ZNF285: variants seen among roughly 807,000 people sequenced by gnomAD.
The protein encoded by ZNF285 is zinc finger protein 285A.
ZNF285 carries 4 observed loss-of-function variants against 6.2 expected under a neutral mutation model. The observed-to-expected ratio is 0.65, with a 90% CI of 0.32 to 1.49. ZNF285 has a LOEUF of 1.49. Ranked by LOEUF, ZNF285 falls within the 40% of genes most tolerant of loss-of-function variation. The probability of loss-of-function intolerance (pLI) is 0.07; values close to 1 mark genes in which losing one functional copy is unlikely to be tolerated. For missense variants in ZNF285, 695 were observed against 708.8 expected (o/e 0.98, Z 0.22); for synonymous variants, 240 against 245.8 (o/e 0.98, Z 0.22).
chr19:44,399,931 C>T (rs2571146), intron 1 of ZNF285, among the ~76,000 whole-genome samples: 33,955 of 139,874 alleles, frequency 0.24, 5,568 homozygotes, highest in East Asian at 0.55. Flanking sequence ...CAGGGCCACC[C>T]AAACTATGAC....
chr19:44,395,511 C>G (rs762347320), intron 2 of ZNF285, among the ~76,000 whole-genome samples: 64 of 152,190 alleles, frequency 4.2e-4, no homozygotes, highest in Admixed American at 7.2e-4. Flanking sequence ...TTTGAACAAA[C>G]CAACTGTTAA....
At position 44,386,775 on chromosome 19, in the gene ZNF285, T is replaced by C. The variant is rs1280957199; in HGVS notation, c.1470A>G (p.Gly490=). Residue 490 remains glycine (G), a synonymous_variant, in exon 4 of 4, where the codon GGA becomes GGG. Transcript: ENST00000614994. ...AATATGAACTGTAACTGAAGCACTT[T>C]CCACACACTTCACATTTATATGGTT... ...GEKPYKCEVC[G]KCFSYSSYFH... is the part of the protein sequence containing the mutation. The C allele has an allele frequency of 8.1e-6, 13 of 1,614,102 alleles. No individual in the cohort carries two copies. The Admixed American group carries it at 1.0e-4, about 12-fold the overall frequency.
chr19:44,395,999 A>T lies in ZNF285; in HGVS notation c.15+1200T>A, dbSNP rs147418010. On this transcript the variant is annotated intron_variant, in intron 2 of 3. Transcript: ENST00000614994. ...TGGTGACCTGGGTGATGCAGTGGTG[A>T]ACATTTGGTGAACTGTTGCTGTAAT... Among the ~76,000 whole-genome samples, 379 of 152,264 alleles carry T rather than the reference A, an allele frequency of 2.5e-3. 3 individuals are homozygous for T. Among genetic ancestry groups the T allele is most frequent in the African/African-American group, 8.6e-3 (355 of 41,494 alleles).
At chr19:44,397,369 T>A (rs1828929000) in intron 1 of ZNF285, 113 bp from the exon 2 acceptor site, 1 of 1,268,000 alleles carries the variant, frequency 7.9e-7, no homozygotes. Flanking sequence ...CTGGATATCA[T>A]CTCTTCTCGC....
In ZNF285 at chr19:44,382,455, T is replaced by C. The variant is rs551040966; in HGVS notation, c.*4017A>G. 8.7e-3 allele frequency: 1,330 copies of C among 152,180 alleles called. 14 individuals are homozygous for C. The highest frequency in any genetic ancestry group is 0.03 in the Middle Eastern group (9 of 296). The allele number at this position is 152,180 out of a possible 1,614,324, so 9.4% of individuals were successfully genotyped here. ...CTGGGATTACAGGTGCCTGCCACTATGCCCAGCTAATTTTGTGTATTTTTA... is the reference window on the plus strand; with the variant it reads ...CTGGGATTACAGGTGCCTGCCACTACGCCCAGCTAATTTTGTGTATTTTTA... On this transcript the variant is annotated 3_prime_UTR_variant, in exon 4 of 4. Transcript: ENST00000614994.
rs928771574 is a variant in ZNF285 at position 44,385,837 on chromosome 19, G to A, written c.*635C>T. 6.5e-6 allele frequency: 1 copy of A among 152,944 alleles called. No homozygotes were observed. Among genetic ancestry groups the A allele is most frequent in the Non-Finnish European group, 1.5e-5 (1 of 68,672 alleles). The allele number at this position is 152,944 out of a possible 1,614,324, so 9.5% of individuals were successfully genotyped here. On this transcript the variant is annotated 3_prime_UTR_variant, in exon 4 of 4. Coordinates refer to ENST00000614994, the MANE Select transcript of ZNF285 (RefSeq NM_152354.6). ...ATATCACTTTTGCTCACACTCCATT[G>A]GCTAGAACTCAATCACATGGGCACA...
intron 3 of ZNF285, among the ~76,000 whole-genome samples, chr19:44,388,987 G>A (rs1250567059): frequency 2.1e-5 from 3 of 144,944 alleles, no homozygotes; most frequent in East Asian, 2.0e-4. Flanking sequence ...TGATCCTGGC[G>A]TTGTGCGGGG....
intron 1 of ZNF285, 77 bp from the exon 2 acceptor site, chr19:44,397,333 C>T (rs1599970825): frequency 1.3e-6 from 2 of 1,535,348 alleles, no homozygotes; most frequent in Non-Finnish European, 1.8e-6. Flanking sequence ...CTTATCTGTA[C>T]AAGTTTCTCA....
In ZNF285 at chr19:44,392,751, A is replaced by G. The variant is rs1432500024; in HGVS notation, c.16-285T>C. 7 of 553,592 alleles carry G rather than the reference A, an allele frequency of 1.3e-5. No homozygotes were observed. The East Asian group carries it at 2.2e-4, about 18-fold the overall frequency. The allele number at this position is 553,592 out of a possible 1,614,324, so 34.3% of individuals were successfully genotyped here. A position where few individuals can be genotyped will look rare whatever the true frequency, so the allele number is the denominator to read the frequency against. On this transcript the variant is annotated intron_variant, in intron 2 of 3. Transcript: ENST00000614994. ...AGGCTCTCATAAGGACACTAATCCT[A>G]TTGGATCAGGGATTCCCAAAGGACA...
chr19:44,386,625 A>T lies in ZNF285; in HGVS notation c.1620T>A (p.Tyr540Ter), dbSNP rs1971077608. ...HLRVHTGERP[Y>*]KCKACGKGFS... ...AGCCCTTACCACATGCCTTACACTT[A>T]TAGGGCCTCTCTCCTGTGTGGACTC... is the stretch of plus-strand genomic sequence containing the variant. Residue 540 changes from tyrosine (Y) to a stop codon, truncating the protein, a stop_gained, in exon 4 of 4, where the codon TAT (tyrosine) becomes TAA (stop). Transcript: ENST00000614994. LOFTEE classifies it low-confidence loss of function (END_TRUNC). 6.2e-7 allele frequency: 1 copy of T among 1,614,144 alleles called. No individual in the cohort carries two copies. Among genetic ancestry groups the T allele is most frequent in the African/African-American group, 1.3e-5 (1 of 75,038 alleles).
chr19:44,394,636 T>C (rs969616169), intron 2 of ZNF285: 8 of 510,162 alleles, frequency 1.6e-5, no homozygotes, highest in Non-Finnish European at 2.4e-5. Flanking sequence ...AATATTTCTA[T>C]GGCTGCATAT....
At chr19:44,395,224 T>C (rs1599966784) in intron 2 of ZNF285, among the ~76,000 whole-genome samples, 1 of 152,206 alleles carries the variant, frequency 6.6e-6, no homozygotes, top group Non-Finnish European at 1.5e-5. Flanking sequence ...CTATGAAGTA[T>C]TCTTGTATAA....
At chr19:44,392,145 C>T in intron 3 of ZNF285, 195 bp downstream of exon 3, 9 of 1,424,016 alleles carry the variant, frequency 6.3e-6, no homozygotes, top group South Asian at 6.3e-5. Context: ...GGGAGAGCTC[C>T]CTCACAAACC....
intron 3 of ZNF285, among the ~76,000 whole-genome samples, chr19:44,388,531 C>A (rs1381425683): frequency 6.6e-6 from 1 of 152,016 alleles, no homozygotes; most frequent in Non-Finnish European, 1.5e-5. Context: ...AAGATTGTGC[C>A]ACTGCATTCC....
At chr19:44,391,691 G>T (rs921011879) in intron 3 of ZNF285, among the ~76,000 whole-genome samples, 2 of 152,008 alleles carry the variant, frequency 1.3e-5, no homozygotes, top group African/African-American at 2.4e-5. Context: ...CAACATATGG[G>T]AATTATAGGA....
intron 1 of ZNF285, among the ~76,000 whole-genome samples, chr19:44,399,025 A>G (rs1171099442): frequency 6.6e-6 from 1 of 152,126 alleles, no homozygotes; most frequent in East Asian, 1.9e-4. Context: ...CCCAATTGTT[A>G]TTATTATGTT....
chr19:44,398,787 T>C (rs1348118658), intron 1 of ZNF285, among the ~76,000 whole-genome samples: 6 of 152,098 alleles, frequency 3.9e-5, no homozygotes, highest in Non-Finnish European at 7.3e-5. Context: ...ACTTATTGTA[T>C]AAAATTGCCA....
At chr19:44,398,064 C>A (rs554134520) in intron 1 of ZNF285, among the ~76,000 whole-genome samples, 1 of 151,846 alleles carries the variant, frequency 6.6e-6, no homozygotes, top group African/African-American at 2.4e-5. Flanking sequence ...TTATGTTAAT[C>A]AATAATACAA....
intron 1 of ZNF285, among the ~76,000 whole-genome samples, chr19:44,397,923 A>T (rs1329134093): frequency 6.6e-6 from 1 of 151,558 alleles, no homozygotes; most frequent in Non-Finnish European, 1.5e-5. Context: ...AAGAGAGAGC[A>T]ATCTCAGGAT....
Sources: allele counts gnomAD v4.1 joint callset (sites outside exome capture counted in the v4.1 genomes callset), GRCh38; gene constraint gnomAD v4.1.1; transcripts MANE v1.5; gene names NCBI Gene and HGNC (gene_info 2026-07-23, HGNC 2026-07-21).